RFXAP: variants seen among roughly 807,000 people sequenced by gnomAD.
RFXAP encodes regulatory factor X-associated protein.
RFXAP carries 21 observed loss-of-function variants against 25.7 expected under a neutral mutation model. That is an observed-to-expected ratio of 0.82 (90% CI 0.58 to 1.18). RFXAP has a LOEUF of 1.18. RFXAP is among the 50% of genes most tolerant of loss of function. The probability of loss-of-function intolerance (pLI) is 0.00; values close to 1 mark genes in which losing one functional copy is unlikely to be tolerated. For synonymous variants in RFXAP, 161 were observed against 152.2 expected (o/e 1.06, Z -0.43); for missense variants, 333 against 363.0 (o/e 0.92, Z 0.67).
At chr13:36,827,491 T>A (rs1376647410) in intron 2 of RFXAP, 152 bp from the exon 3 acceptor site, 1 of 596,674 alleles carries the variant, frequency 1.7e-6, no homozygotes, top group African/African-American at 1.9e-5. Context: ...GCAGCTTAGT[T>A]GCAGTGCATC....
In RFXAP at chr13:36,825,489, C is replaced by A. The variant is rs2057975254; in HGVS notation, c.662C>A (p.Pro221His). Residue 221 changes from proline to histidine, a missense_variant, in exon 2 of 3, where the codon CCT (proline) becomes CAT (histidine). Coordinates refer to ENST00000255476, the MANE Select transcript of RFXAP (RefSeq NM_000538.4). ...KQRTGSFGDR[P>H]ARPTLLEQVL... The stretch of plus-strand genomic sequence containing the variant: ...AGAACAGGATCTTTTGGGGATCGTC[C>A]TGCAAGACCTACTCTTTTAGAACAA... 1 of 1,612,764 alleles carries A rather than the reference C, an allele frequency of 6.2e-7. No individual in the cohort carries two copies. The highest frequency in any genetic ancestry group is 1.3e-5 in the African/African-American group (1 of 74,888).
rs1025623273 is a variant in RFXAP, at chr13:36,828,609, T to C, written c.*856T>C. ...CAGCCCACCAATGCCAAGACAAAAT[T>C]ATTTTTCTTATACTTATTTTTTATT... On this transcript the variant is annotated 3_prime_UTR_variant, in exon 3 of 3. Coordinates refer to ENST00000255476, the MANE Select transcript of RFXAP (RefSeq NM_000538.4). The C allele has an allele frequency of 6.6e-6, 1 of 152,210 alleles. No homozygotes were observed. The highest frequency in any genetic ancestry group is 2.4e-5 in the African/African-American group (1 of 41,458). The allele number at this position is 152,210 out of a possible 1,614,324, so 9.4% of individuals were successfully genotyped here. A position where few individuals can be genotyped will look rare whatever the true frequency, so the allele number is the denominator to read the frequency against.
In RFXAP at chr13:36,819,471, G is replaced by A; in HGVS notation, c.114G>A (p.Ala38=). 1.3e-6 allele frequency: 2 copies of A among 1,512,002 alleles called. No homozygotes were observed. The highest frequency in any genetic ancestry group is 2.7e-5 in the East Asian group (1 of 37,644). 93.7% of individuals were successfully genotyped at this position (1,512,002 alleles called of 1,614,324 possible). ...CCACCTTGGCGCCAGCCTCGGTGGC[G>A]GCCGCGGCCTCTCAATTCACCCTGC... ...AAPTLAPASV[A]AAASQFTLLV... Residue 38 remains alanine, a synonymous_variant, in exon 1 of 3, where the codon GCG becomes GCA. Transcript: ENST00000255476.
In RFXAP at chr13:36,819,628, G is replaced by A; in HGVS notation, c.271G>A (p.Asp91Asn). Residue 91 changes from aspartate (D) to asparagine (N), a missense_variant, in exon 1 of 3, where the codon GAC becomes AAC. Coordinates refer to ENST00000255476, the MANE Select transcript of RFXAP (RefSeq NM_000538.4). ...GEEEAGEDEA[D>N]LLDTSDPPGG... ...AGAGGAGGCTGGGGAGGACGAGGCG[G>A]ACCTGTTAGACACTTCGGACCCTCC... 1 of 1,543,418 alleles carries A rather than the reference G, an allele frequency of 6.5e-7. No individual in the cohort carries two copies. Among genetic ancestry groups the A allele is most frequent in the Non-Finnish European group, 8.8e-7 (1 of 1,141,252 alleles).
At chr13:36,823,324 T>C (rs987497388) in intron 1 of RFXAP, among the ~76,000 whole-genome samples, 3 of 152,202 alleles carry the variant, frequency 2.0e-5, no homozygotes, top group African/African-American at 7.2e-5. Flanking sequence ...GAAAACACTT[T>C]TGTGAAGATA....
Position 36,819,770 on chromosome 13 carries a change from G to A in RFXAP, c.413G>A (p.Ser138Asn), listed in dbSNP as rs1555302500. The A allele has an allele frequency of 6.4e-7, 1 of 1,564,218 alleles. No individual in the cohort carries two copies. Among genetic ancestry groups the A allele is most frequent in the Non-Finnish European group, 8.7e-7 (1 of 1,153,638 alleles). The change falls in exon 1 of 3, where the codon AGC becomes AAC. Residue 138 changes from serine to asparagine, a missense_variant. Ser to Asn is a conservative substitution (Grantham distance 46, BLOSUM62 1). Transcript: ENST00000255476. The part of the protein sequence containing the change: ...RRRGSGGGSM[S>N]KTCTYEGCSE... The stretch of plus-strand genomic sequence containing the variant: ...CGGGGCAGCGGTGGGGGCAGCATGA[G>A]CAAGACCTGCACCTACGAAGGCTGC...
At chr13:36,825,565 A>G (rs2057975583) in intron 2 of RFXAP, 30 bp downstream of exon 2, 2 of 1,484,628 alleles carry the variant, frequency 1.3e-6, no homozygotes, top group Non-Finnish European at 1.9e-6. Context: ...TCAGTTATAA[A>G]TGTGTTAACA....
rs1164871526 is a variant in RFXAP at position 36,819,582 on chromosome 13, C to T, written c.225C>T (p.Cys75=). The T allele has an allele frequency of 3.3e-6, 5 of 1,531,852 alleles. No homozygotes were observed. Among genetic ancestry groups the T allele is most frequent in the Non-Finnish European group, 4.4e-6 (5 of 1,136,486 alleles). 94.9% of individuals were successfully genotyped at this position (1,531,852 alleles called of 1,614,324 possible). A position where few individuals can be genotyped will look rare whatever the true frequency, so the allele number is the denominator to read the frequency against. ...CGGGCAAGCCCGTTAGGTACCTGTG[C>T]GAAGGGGCCGGGGATGGCGAAGAGG... The part of the protein sequence containing the change: ...VGAGKPVRYL[C]EGAGDGEEEA... The change falls in exon 1 of 3, where the codon TGC becomes TGT. Residue 75 remains cysteine, a synonymous_variant. Coordinates refer to ENST00000255476, the MANE Select transcript of RFXAP (RefSeq NM_000538.4).
chr13:36,821,214 TAAAAAAAAAAAA>T (rs10573140), intron 1 of RFXAP, among the ~76,000 whole-genome samples: 2 of 104,846 alleles, frequency 1.9e-5, no homozygotes, highest in Non-Finnish European at 3.7e-5. Context: ...CCTGTCTCCT[TAAAAAAAAAAAA>T]AAAAAAAAAA....
Position 36,828,019 on chromosome 13 carries a change from A to G in RFXAP, c.*266A>G, listed in dbSNP as rs900804107. On this transcript the variant is annotated 3_prime_UTR_variant, in exon 3 of 3. Coordinates refer to ENST00000255476, the MANE Select transcript of RFXAP (RefSeq NM_000538.4). ...TTAAAAAATATATTCCTCTTCAGTC[A>G]TTGTTACTGAAGGTAATGAAGCAGT... 20 of 385,846 alleles carry G rather than the reference A, an allele frequency of 5.2e-5. No individual in the cohort carries two copies. Among genetic ancestry groups the G allele is most frequent in the African/African-American group, 4.1e-4 (20 of 48,214 alleles). The allele number at this position is 385,846 out of a possible 1,614,324, so 23.9% of individuals were successfully genotyped here.
intron 2 of RFXAP, 115 bp from the exon 3 acceptor site, chr13:36,827,528 C>T (rs2057981850): frequency 1.3e-6 from 1 of 743,876 alleles, no homozygotes; most frequent in Non-Finnish European, 2.3e-6. Flanking sequence ...TTGATTCAGG[C>T]ATATTCTTGT....
At chr13:36,827,561 G>A in intron 2 of RFXAP, 82 bp from the exon 3 acceptor site, 1 of 970,550 alleles carries the variant, frequency 1.0e-6, no homozygotes, top group Non-Finnish European at 1.6e-6. Flanking sequence ...TCATATGTAG[G>A]GACACATCAG....
chr13:36,827,773 C>G lies in RFXAP; in HGVS notation c.*20C>G. ...ATGTGAGGGAACTTACCAAGAACATCTACATGGTTTTTTATCTTATTGTAA... is the reference window on the plus strand; with the variant it reads ...ATGTGAGGGAACTTACCAAGAACATGTACATGGTTTTTTATCTTATTGTAA... On this transcript the variant is annotated 3_prime_UTR_variant, in exon 3 of 3. Coordinates refer to ENST00000255476, the MANE Select transcript of RFXAP (RefSeq NM_000538.4). The G allele has an allele frequency of 6.8e-7, 1 of 1,474,308 alleles. No homozygotes were observed. The highest frequency in any genetic ancestry group is 9.1e-7 in the Non-Finnish European group (1 of 1,095,504). 91.3% of individuals were successfully genotyped at this position (1,474,308 alleles called of 1,614,324 possible). A position where few individuals can be genotyped will look rare whatever the true frequency, so the allele number is the denominator to read the frequency against.
In RFXAP at chr13:36,828,945, CT is replaced by C. The variant is rs2057986951; in HGVS notation, c.*1193del. Reference sequence around the variant, plus strand: ...AAATTTGTTACTTGTTTTTTAAACTCTATATATAAAGTTCGACTTAATCATG... The same window carrying C: ...AAATTTGTTACTTGTTTTTTAAACTCATATATAAAGTTCGACTTAATCATG... On this transcript the variant is annotated 3_prime_UTR_variant, in exon 3 of 3. Coordinates refer to ENST00000255476, the MANE Select transcript of RFXAP (RefSeq NM_000538.4). The C allele has an allele frequency of 6.6e-6, 1 of 152,216 alleles. No individual in the cohort carries two copies. Among genetic ancestry groups the C allele is most frequent in the Non-Finnish European group, 1.5e-5 (1 of 68,020 alleles). 9.4% of individuals were successfully genotyped at this position (152,216 alleles called of 1,614,324 possible). A position where few individuals can be genotyped will look rare whatever the true frequency, so the allele number is the denominator to read the frequency against.
Position 36,819,785 on chromosome 13 carries a change from A to G in RFXAP, c.428A>G (p.Tyr143Cys), listed in dbSNP as rs2057955923. 1 of 1,576,108 alleles carries G rather than the reference A, an allele frequency of 6.3e-7. No individual in the cohort carries two copies. Among genetic ancestry groups the G allele is most frequent in the Non-Finnish European group, 8.6e-7 (1 of 1,159,970 alleles). Residue 143 changes from tyrosine to cysteine, a missense_variant, in exon 1 of 3, where the codon TAC (tyrosine) becomes TGC (cysteine). By Grantham distance (194) the Tyr-to-Cys change is radical. Coordinates refer to ENST00000255476, the MANE Select transcript of RFXAP (RefSeq NM_000538.4). ...GGGSMSKTCTYEGCSETTSQV... is the reference protein window; with the variant it reads ...GGGSMSKTCTCEGCSETTSQV... ...GGCAGCATGAGCAAGACCTGCACCT[A>G]CGAAGGCTGCAGCGAGACCACGAGC...
rs1267956141 is a variant in RFXAP, at chr13:36,819,505, C to T, written c.148C>T (p.Gln50Ter). The T allele has an allele frequency of 6.5e-7, 1 of 1,550,078 alleles. No individual in the cohort carries two copies. Among genetic ancestry groups the T allele is most frequent in the African/African-American group, 1.4e-5 (1 of 73,270 alleles). ...CTCTCAATTCACCCTGCTAGTGATGCAACCCTGTGCTGGGCAGGACGAGGC... is the reference window on the plus strand; with the variant it reads ...CTCTCAATTCACCCTGCTAGTGATGTAACCCTGTGCTGGGCAGGACGAGGC... ...AASQFTLLVMQPCAGQDEAAA... is the reference protein window; with the variant it reads ...AASQFTLLVM The change falls in exon 1 of 3, where the codon CAA (glutamine) becomes TAA (stop). Residue 50 changes from glutamine (Q) to a stop codon, truncating the protein, a stop_gained. Transcript: ENST00000255476. LOFTEE classifies it high-confidence loss of function.
rs147576351 is a variant in RFXAP, at chr13:36,826,246, A to G, written c.708+711A>G. ...TTGACAGCTTCAGTCTTAACTGCAA[A>G]GAAAGTTTATTACAAAAATTCCTGT... is the stretch of plus-strand genomic sequence containing the variant. On this transcript the variant is annotated intron_variant, in intron 2 of 2. Coordinates refer to ENST00000255476, the MANE Select transcript of RFXAP (RefSeq NM_000538.4). 3.9e-3 allele frequency among the ~76,000 whole-genome samples: 588 copies of G among 152,344 alleles called. 4 individuals carry two copies. Among genetic ancestry groups the G allele is most frequent in the African/African-American group, 0.014 (568 of 41,570 alleles).
At chr13:36,827,618 A>C in intron 2 of RFXAP, 25 bp from the exon 3 acceptor site, 1 of 1,513,470 alleles carries the variant, frequency 6.6e-7, no homozygotes, top group African/African-American at 1.4e-5. Flanking sequence ...AATGCTATTA[A>C]TAATTTTTTT....
intron 1 of RFXAP, among the ~76,000 whole-genome samples, chr13:36,820,690 C>T (rs528070488): frequency 6.6e-6 from 1 of 152,296 alleles, no homozygotes; most frequent in South Asian, 2.1e-4. Flanking sequence ...GGGTATAAGT[C>T]TCAAAAAACT....
Sources: gnomAD v4.1 joint callset for allele counts (sites outside exome capture counted in the v4.1 genomes callset) on GRCh38, gnomAD v4.1.1 for gene constraint, MANE v1.5 for transcripts, NCBI Gene and HGNC (gene_info 2026-07-23, HGNC 2026-07-21) for gene names.